The following HS3ST4 variants were observed in gnomAD, a reference collection of about 807,000 sequenced individuals.
HS3ST4 encodes heparan sulfate-glucosamine 3-sulfotransferase 4.
Under a neutral mutation model 29.2 loss-of-function variants are expected in HS3ST4, and 17 were observed. That is an observed-to-expected ratio of 0.58 (90% CI 0.40 to 0.87). The LOEUF is 0.87. Ranked by LOEUF, HS3ST4 falls within the 40% of genes least tolerant of loss-of-function variation. HS3ST4 has a pLI of 0.00. For synonymous variants in HS3ST4, 314 were observed against 285.7 expected (o/e 1.10, Z -1.00); for missense variants, 627 against 634.5 (o/e 0.99, Z 0.13).
intron 1 of HS3ST4, among the ~76,000 whole-genome samples, chr16:26,005,566 G>A (rs1045987388): frequency 9.9e-5 from 15 of 151,984 alleles, no homozygotes; most frequent in Admixed American, 9.2e-4. Context: ...ACACTTGAAC[G>A]TTAAGCTGGA....
At chr16:26,002,513 C>G (rs1168217032) in intron 1 of HS3ST4, among the ~76,000 whole-genome samples, 1 of 152,058 alleles carries the variant, frequency 6.6e-6, no homozygotes, top group South Asian at 2.1e-4. Context: ...GACTGGAAAT[C>G]TGACTAGCTG....
At chr16:25,881,012 A>T (rs746435741) in intron 1 of HS3ST4, among the ~76,000 whole-genome samples, 1 of 152,190 alleles carries the variant, frequency 6.6e-6, no homozygotes, top group African/African-American at 2.4e-5. Context: ...CTCACCCATC[A>T]AGGAGACAAA....
intron 1 of HS3ST4, among the ~76,000 whole-genome samples, chr16:26,034,672 G>T (rs1042072652): frequency 1.3e-5 from 2 of 150,902 alleles, no homozygotes; most frequent in African/African-American, 4.9e-5. Context: ...CAGGGGCGGG[G>T]GGGGGTCTCA....
intron 1 of HS3ST4, among the ~76,000 whole-genome samples, chr16:25,891,983 G>A (rs527319530): frequency 1.2e-4 from 19 of 152,234 alleles, no homozygotes; most frequent in African/African-American, 4.1e-4. Flanking sequence ...TGAACTCATA[G>A]CAGGTACTCA....
At chr16:26,009,857 C>A (rs1029262781) in intron 1 of HS3ST4, among the ~76,000 whole-genome samples, 1 of 152,210 alleles carries the variant, frequency 6.6e-6, no homozygotes, top group African/African-American at 2.4e-5. Context: ...TGACTTAAAG[C>A]TCATTCCACT....
chr16:25,982,378 C>A (rs1969016105), intron 1 of HS3ST4, among the ~76,000 whole-genome samples: 1 of 152,192 alleles, frequency 6.6e-6, no homozygotes, highest in Non-Finnish European at 1.5e-5. Flanking sequence ...GTCAGTGCAC[C>A]ATCTGGCAAC....
At chr16:26,067,687 T>A (rs1216381897) in intron 1 of HS3ST4, among the ~76,000 whole-genome samples, 2 of 152,182 alleles carry the variant, frequency 1.3e-5, no homozygotes, top group Non-Finnish European at 2.9e-5. Flanking sequence ...ACATCCCTGA[T>A]ATGGTTTGGC....
chr16:25,897,977 G>T (rs1216591522), intron 1 of HS3ST4, among the ~76,000 whole-genome samples: 1 of 152,188 alleles, frequency 6.6e-6, no homozygotes, highest in Non-Finnish European at 1.5e-5. Flanking sequence ...ATGTGTGTGT[G>T]CACTGCGTTC....
intron 1 of HS3ST4, among the ~76,000 whole-genome samples, chr16:25,714,051 C>T (rs566878426): frequency 2.6e-5 from 4 of 151,920 alleles, no homozygotes; most frequent in South Asian, 2.1e-4. Context: ...AGAGTCTCCT[C>T]GGGGAATTTT....
At chr16:25,864,394 T>G (rs563398611) in intron 1 of HS3ST4, among the ~76,000 whole-genome samples, 61 of 139,988 alleles carry the variant, frequency 4.4e-4, no homozygotes, top group African/African-American at 1.5e-3. Flanking sequence ...AGTAATTGTG[T>G]TTTTTTTTGC....
At chr16:25,737,373 AACAC>A (rs60674942) in intron 1 of HS3ST4, among the ~76,000 whole-genome samples, 4 of 151,848 alleles carry the variant, frequency 2.6e-5, no homozygotes, top group South Asian at 2.1e-4. Flanking sequence ...CCCACACACA[AACAC>A]ACACACACAC....
chr16:25,829,215 G>A (rs1434899037), intron 1 of HS3ST4, among the ~76,000 whole-genome samples: 1 of 152,166 alleles, frequency 6.6e-6, no homozygotes, highest in African/African-American at 2.4e-5. Context: ...ATGGAGACTT[G>A]CCTAGAATAA....
intron 1 of HS3ST4, among the ~76,000 whole-genome samples, chr16:26,099,356 A>G (rs994090224): frequency 2.6e-5 from 4 of 152,246 alleles, no homozygotes; most frequent in Admixed American, 6.5e-5. Context: ...GAGCCTCGCT[A>G]TATGGCCCAG....
chr16:25,863,141 T>C (rs1967655643), intron 1 of HS3ST4, among the ~76,000 whole-genome samples: 2 of 152,294 alleles, frequency 1.3e-5, no homozygotes, highest in African/African-American at 4.8e-5. Flanking sequence ...TTGGAATCCT[T>C]TGTTAGTTTT....
chr16:25,743,345 G>T (rs903101844), intron 1 of HS3ST4, among the ~76,000 whole-genome samples: 8 of 152,178 alleles, frequency 5.3e-5, no homozygotes, highest in African/African-American at 1.2e-4. Flanking sequence ...TGAATGAAAT[G>T]AATTAAACAT....
rs11461863 is a variant in HS3ST4, at chr16:26,006,300, G to GAAAAA, written c.735-129291_735-129287dup. On this transcript the variant is annotated intron_variant, in intron 1 of 1. Transcript: ENST00000331351. ...GGTGACAAAGTGAGACTCTGTTTCAGAAAAAAAAAAAAAAAAAAAAAAAAA... is the reference window on the plus strand; with the variant it reads ...GGTGACAAAGTGAGACTCTGTTTCAGAAAAAAAAAAAAAAAAAAAAAAAAAAAAAA... Among the ~76,000 whole-genome samples, 27 of 68,624 alleles carry GAAAAA rather than the reference G, an allele frequency of 3.9e-4. 1 individual carries two copies. Among genetic ancestry groups the GAAAAA allele is most frequent in the Non-Finnish European group, 4.9e-4 (20 of 40,836 alleles). The allele number at this position is 68,624 out of a possible 152,430, so 45.0% of individuals were successfully genotyped here. A position where few individuals can be genotyped will look rare whatever the true frequency, so the allele number is the denominator to read the frequency against.
intron 1 of HS3ST4, among the ~76,000 whole-genome samples, chr16:25,920,930 CT>C (rs1968345392): frequency 6.6e-6 from 1 of 152,028 alleles, no homozygotes. Flanking sequence ...AAATTCTTCA[CT>C]TTTTTATGTC....
intron 1 of HS3ST4, among the ~76,000 whole-genome samples, chr16:25,904,199 A>T (rs1002967581): frequency 6.9e-6 from 1 of 145,620 alleles, no homozygotes; most frequent in African/African-American, 2.6e-5. Flanking sequence ...TGGACAGATG[A>T]ATGGATGGAT....
chr16:26,070,570 C>T (rs1045306672), intron 1 of HS3ST4, among the ~76,000 whole-genome samples: 12 of 152,128 alleles, frequency 7.9e-5, no homozygotes, highest in African/African-American at 2.2e-4. Context: ...TGTTATACAG[C>T]GTCTTAGAGA....
Sources: gnomAD v4.1 joint callset for allele counts (sites outside exome capture counted in the v4.1 genomes callset) on GRCh38, gnomAD v4.1.1 for gene constraint, MANE v1.5 for transcripts, NCBI Gene and HGNC (gene_info 2026-07-23, HGNC 2026-07-21) for gene names.